Variants in TAF8 observed in about 807,000 individuals in gnomAD.
TAF8 encodes TATA-box binding protein associated factor 8.
A neutral mutation model predicts 36.5 loss-of-function variants in TAF8; 47 were observed. The observed-to-expected ratio is 1.29, with a 90% CI of 1.02 to 1.64. The LOEUF is 1.64. Among genes scored for constraint, TAF8 ranks in the 40% most tolerant of loss-of-function variants. The pLI, the probability that TAF8 is intolerant of heterozygous loss-of-function variation, is 0.00. For missense variants in TAF8, 420 were observed against 407.6 expected (o/e 1.03, Z -0.26); for synonymous variants, 175 against 159.5 (o/e 1.10, Z -0.73).
Position 42,050,543 on chromosome 6 carries a change from T to TGGCCGACGCGGCGGCCACAGCTGG in TAF8, c.8_31dup (p.Asp3_Ala10dup). 7.1e-7 allele frequency: 1 copy of TGGCCGACGCGGCGGCCACAGCTGG among 1,399,400 alleles called. No homozygotes were observed. Among genetic ancestry groups the TGGCCGACGCGGCGGCCACAGCTGG allele is most frequent in the Non-Finnish European group, 9.5e-7 (1 of 1,052,668 alleles). 86.7% of individuals were successfully genotyped at this position (1,399,400 alleles called of 1,614,324 possible). On this transcript the variant is annotated inframe_insertion, in exon 1 of 9. Coordinates refer to ENST00000372977, the MANE Select transcript of TAF8 (RefSeq NM_138572.3). ...TCGCGCACACTACGCCAGAACAAGA[T>TGGCCGACGCGGCGGCCACAGCTGG]GGCCGACGCGGCGGCCACAGCTGGG...
rs1765901743 is a variant in TAF8 at position 42,080,865 on chromosome 6, A to G, written c.*3320A>G. 4.1e-6 allele frequency: 4 copies of G among 979,626 alleles called. No homozygotes were observed. Among genetic ancestry groups the G allele is most frequent in the Non-Finnish European group, 4.8e-6 (4 of 824,778 alleles). 60.7% of individuals were successfully genotyped at this position (979,626 alleles called of 1,614,324 possible). A position where few individuals can be genotyped will look rare whatever the true frequency, so the allele number is the denominator to read the frequency against. On this transcript the variant is annotated 3_prime_UTR_variant, in exon 9 of 9. Transcript: ENST00000372977. Reference sequence around the variant, plus strand: ...CATGCAGATTAAAAATGTTTATGAAAATCTCAATAAAAATTCATAATAAAA... The same window carrying G: ...CATGCAGATTAAAAATGTTTATGAAGATCTCAATAAAAATTCATAATAAAA...
intron 8 of TAF8, 143 bp from the exon 9 acceptor site, chr6:42,077,390 C>A: frequency 6.6e-7 from 1 of 1,520,006 alleles, no homozygotes; most frequent in Non-Finnish European, 8.8e-7. Flanking sequence ...CCTTACTTGG[C>A]TCCCGTACAT....
At chr6:42,086,298 A>G (rs536582689), downstream of TAF8, among the ~76,000 whole-genome samples, 7 of 152,342 alleles carry the variant, frequency 4.6e-5, no homozygotes, top group Middle Eastern at 3.4e-3. Context: ...TGCCAATCTG[A>G]TAAGTGAAAA....
chr6:42,050,868 C>T, intron 1 of TAF8: 1 of 1,178,448 alleles, frequency 8.5e-7, no homozygotes, highest in Admixed American at 4.0e-5. Flanking sequence ...TATTGGCCGG[C>T]CAAAGTTGAA....
intron 2 of TAF8, among the ~76,000 whole-genome samples, chr6:42,052,296 T>C (rs1420973045): frequency 6.7e-6 from 1 of 149,728 alleles, no homozygotes; most frequent in Non-Finnish European, 1.5e-5. Context: ...GATTGTGTGA[T>C]ACAAAGAATG....
At chr6:42,064,406 C>G (rs935194677) in intron 5 of TAF8, among the ~76,000 whole-genome samples, 2 of 151,952 alleles carry the variant, frequency 1.3e-5, no homozygotes, top group South Asian at 4.2e-4. Context: ...AGGTGCCCAC[C>G]ACCACGCCTG....
chr6:42,057,145 C>G (rs969508036), intron 4 of TAF8, among the ~76,000 whole-genome samples: 1 of 152,226 alleles, frequency 6.6e-6, no homozygotes, highest in South Asian at 2.1e-4. Flanking sequence ...GCCACAGCCA[C>G]CCACCTCTAC....
chr6:42,067,317 C>G (rs994667714), intron 6 of TAF8, among the ~76,000 whole-genome samples: 1 of 152,186 alleles, frequency 6.6e-6, no homozygotes, highest in African/African-American at 2.4e-5. Context: ...CTCCCGGGTT[C>G]CAGCGATTCT....
chr6:42,063,522 G>A (rs1467824752), intron 5 of TAF8: 1 of 152,112 alleles, frequency 6.6e-6, no homozygotes, highest in Admixed American at 6.5e-5. Context: ...AAAATGTTCA[G>A]GAAACCTATA....
intron 4 of TAF8, among the ~76,000 whole-genome samples, chr6:42,056,751 G>A (rs373371884): frequency 4.6e-5 from 7 of 152,212 alleles, no homozygotes; most frequent in South Asian, 2.1e-4. Context: ...GATTACAGGC[G>A]CTCGCCACCA....
chr6:42,055,411 C>G, intron 2 of TAF8, 120 bp from the exon 3 acceptor site: 2 of 687,584 alleles, frequency 2.9e-6, no homozygotes, highest in Non-Finnish European at 5.2e-6. Flanking sequence ...CTTTTCGAAT[C>G]CCTGCTTTCA....
At chr6:42,064,955 T>TC (rs1562014741) in intron 5 of TAF8, among the ~76,000 whole-genome samples, 4 of 51,892 alleles carry the variant, frequency 7.7e-5, no homozygotes, top group Middle Eastern at 0.016. Context: ...AGACTCTGTC[T>TC]CAAAAAAAAA....
downstream of TAF8, chr6:42,086,703 A>G (rs1442836613): frequency 1.9e-6 from 3 of 1,551,030 alleles, no homozygotes; most frequent in East Asian, 2.4e-5. Context: ...GGTTTTTTTC[A>G]CCCTACGTTC....
At chr6:42,062,529 CTTTTTTTT>C (rs1174119617) in intron 5 of TAF8, among the ~76,000 whole-genome samples, 2 of 78,726 alleles carry the variant, frequency 2.5e-5, no homozygotes, top group African/African-American at 1.1e-4. Flanking sequence ...TTAAGACAAT[CTTTTTTTT>C]TTTTTTTTTT....
At position 42,077,144 on chromosome 6, in the gene TAF8, GA is replaced by G; in HGVS notation, c.827del (p.Asn276ThrfsTer23). 3.1e-6 allele frequency: 5 copies of G among 1,614,186 alleles called. No individual in the cohort carries two copies. The highest frequency in any genetic ancestry group is 4.2e-6 in the Non-Finnish European group (5 of 1,180,006). On this transcript the variant is annotated frameshift_variant, in exon 8 of 9. Transcript: ENST00000372977. LOFTEE classifies it high-confidence loss of function. ...EKENTSVLQQ[N>X]PSLSGSRNGE... The stretch of plus-strand genomic sequence containing the variant: ...AGGAGAACACCTCTGTCCTGCAGCA[GA>G]ACCCCTCCTTGTCGGGTAGCCGGAA...
At chr6:42,077,417 T>C in intron 8 of TAF8, 116 bp from the exon 9 acceptor site, 1 of 1,551,340 alleles carries the variant, frequency 6.4e-7, no homozygotes, top group Non-Finnish European at 8.7e-7. Context: ...TGTTCCTTAG[T>C]GGTTGAGTGT....
intron 2 of TAF8, among the ~76,000 whole-genome samples, chr6:42,053,466 G>A (rs1027007359): frequency 6.6e-6 from 1 of 151,634 alleles, no homozygotes; most frequent in Non-Finnish European, 1.5e-5. Flanking sequence ...TCGGGAGGCT[G>A]AGGCAGGAGA....
rs546373748 is a variant in TAF8 at position 42,066,495 on chromosome 6, T to C, written c.637+36T>C. ...CCCCACTGTGTGGACCCTGTCTTAT[T>C]TGAAACACTCACATTATCTTTTCTT... On this transcript the variant is annotated intron_variant, in intron 6 of 8. Coordinates refer to ENST00000372977, the MANE Select transcript of TAF8 (RefSeq NM_138572.3). 20 of 1,608,486 alleles carry C rather than the reference T, an allele frequency of 1.2e-5. No homozygotes were observed. The South Asian group carries it at 1.4e-4, about 11-fold the overall frequency.
At chr6:42,062,146 C>G (rs1198651341) in intron 5 of TAF8, among the ~76,000 whole-genome samples, 1 of 151,968 alleles carries the variant, frequency 6.6e-6, no homozygotes, top group East Asian at 1.9e-4. Context: ...AAGAGAAAAA[C>G]AAATTTCATA....
Sources: gnomAD v4.1 joint callset for allele counts (sites outside exome capture counted in the v4.1 genomes callset) on GRCh38, gnomAD v4.1.1 for gene constraint, MANE v1.5 for transcripts, NCBI Gene and HGNC (gene_info 2026-07-23, HGNC 2026-07-21) for gene names.